NTNG1: variants seen among roughly 807,000 people sequenced by gnomAD.
The protein encoded by NTNG1 is netrin G1, also known as netrin-G1.
Under a neutral mutation model 54.0 loss-of-function variants are expected in NTNG1, and 16 were observed. The observed-to-expected ratio is 0.30, with a 90% CI of 0.20 to 0.45. The LOEUF (loss-of-function observed/expected upper bound fraction) is 0.45. NTNG1 is among the 20% of genes least tolerant of loss of function. The pLI is 1.00. For missense variants in NTNG1, 530 were observed against 678.7 expected (o/e 0.78, Z 2.43); for synonymous variants, 255 against 263.1 (o/e 0.97, Z 0.30).
intron 7 of NTNG1, among the ~76,000 whole-genome samples, chr1:107,456,753 A>G (rs1178565125): frequency 6.6e-6 from 1 of 152,236 alleles, no homozygotes; most frequent in Non-Finnish European, 1.5e-5. Context: ...TGGCTATGCA[A>G]TGCAATATTG....
chr1:107,184,206 G>A (rs796933533), intron 2 of NTNG1, among the ~76,000 whole-genome samples: 15 of 152,154 alleles, frequency 9.9e-5, no homozygotes, highest in African/African-American at 3.6e-4. Context: ...TCCTAGCATG[G>A]CTCCTCTTAA....
At chr1:107,444,873 C>T (rs1676212359) in intron 7 of NTNG1, among the ~76,000 whole-genome samples, 1 of 152,074 alleles carries the variant, frequency 6.6e-6, no homozygotes, top group African/African-American at 2.4e-5. Flanking sequence ...ATGTGAAGCT[C>T]TTTTCTTACG....
Position 107,411,907 on chromosome 1 carries a change from G to A in NTNG1, c.1087+4199G>A, listed in dbSNP as rs1214408511. Among the ~76,000 whole-genome samples the A allele has an allele frequency of 2.0e-5, 3 of 152,108 alleles. No individual in the cohort carries two copies. The East Asian group carries it at 5.8e-4, about 29-fold the overall frequency. On this transcript the variant is annotated intron_variant, in intron 5 of 7. Transcript: ENST00000370068. ...TTATCCTAAAATTGAATGAACATTA[G>A]GATATAGCTGCCTCTTTAATCCTGA... is the stretch of plus-strand genomic sequence containing the variant.
chr1:107,326,220 C>T (rs916692071), intron 3 of NTNG1, among the ~76,000 whole-genome samples: 1 of 151,980 alleles, frequency 6.6e-6, no homozygotes, highest in Non-Finnish European at 1.5e-5. Context: ...GCTTCATGTT[C>T]CTCATGGAAG....
chr1:107,422,519 G>C (rs1674639728), intron 5 of NTNG1, among the ~76,000 whole-genome samples: 1 of 152,020 alleles, frequency 6.6e-6, no homozygotes, highest in African/African-American at 2.4e-5. Flanking sequence ...TACCCAATGA[G>C]GTAGACTTAC....
In NTNG1 at chr1:107,204,169, C is replaced by T. The variant is rs111640557; in HGVS notation, c.246+55330C>T. Among the ~76,000 whole-genome samples the T allele has an allele frequency of 9.2e-4, 140 of 151,894 alleles. 1 individual carries two copies. Among genetic ancestry groups the T allele is most frequent in the African/African-American group, 3.1e-3 (130 of 41,454 alleles). On this transcript the variant is annotated intron_variant, in intron 2 of 7. Transcript: ENST00000370068. ...TCCCCCTCTGGAATACATTTATTTC[C>T]CACTTGTTGATTTCTTTGATTACAA... is the stretch of plus-strand genomic sequence containing the variant.
At chr1:107,261,990 G>A (rs549095945) in intron 2 of NTNG1, among the ~76,000 whole-genome samples, 2 of 152,244 alleles carry the variant, frequency 1.3e-5, no homozygotes, top group Non-Finnish European at 2.9e-5. Context: ...TTACATTCTA[G>A]GAGTTTACTC....
intron 2 of NTNG1, among the ~76,000 whole-genome samples, chr1:107,186,457 A>G (rs1657466767): frequency 6.6e-6 from 1 of 152,144 alleles, no homozygotes; most frequent in Non-Finnish European, 1.5e-5. Flanking sequence ...TAAAATCCAG[A>G]TGTGTCTCAG....
At position 107,179,750 on chromosome 1, in the gene NTNG1, C is replaced by T. The variant is rs111430333; in HGVS notation, c.246+30911C>T. On this transcript the variant is annotated intron_variant, in intron 2 of 7. Coordinates refer to ENST00000370068, the MANE Select transcript of NTNG1 (RefSeq NM_001113226.3). ...TGATCCTCTCCCTCCTCCTCACCCT[C>T]CACCCTCCGAAATATTAATGGAATT... is the stretch of plus-strand genomic sequence containing the variant. Among the ~76,000 whole-genome samples, 4 of 152,240 alleles carry T rather than the reference C, an allele frequency of 2.6e-5. 1 individual carries two copies. The highest frequency in any genetic ancestry group is 7.2e-5 in the African/African-American group (3 of 41,548).
intron 4 of NTNG1, among the ~76,000 whole-genome samples, chr1:107,405,223 A>T (rs1211619109): frequency 6.6e-6 from 1 of 152,154 alleles, no homozygotes; most frequent in Non-Finnish European, 1.5e-5. Context: ...AAAAATAATG[A>T]TATTTTAAAA....
intron 7 of NTNG1, among the ~76,000 whole-genome samples, chr1:107,450,627 T>C (rs578095099): frequency 1.3e-5 from 2 of 152,284 alleles, no homozygotes; most frequent in African/African-American, 4.8e-5. Context: ...ATACCTATTA[T>C]GTCTTTTTCT....
At chr1:107,300,467 ATTC>A (rs1406540409) in intron 2 of NTNG1, among the ~76,000 whole-genome samples, 4 of 152,142 alleles carry the variant, frequency 2.6e-5, no homozygotes, top group African/African-American at 9.7e-5. Flanking sequence ...ACACTCAATT[ATTC>A]TTTTACACAG....
chr1:107,390,879 C>T (rs1233904575), intron 3 of NTNG1, among the ~76,000 whole-genome samples: 1 of 152,150 alleles, frequency 6.6e-6, no homozygotes, highest in Non-Finnish European at 1.5e-5. Context: ...AAAATACAGT[C>T]TACAGTCTAT....
At chr1:107,221,559 T>C (rs1283208184) in intron 2 of NTNG1, among the ~76,000 whole-genome samples, 1 of 152,044 alleles carries the variant, frequency 6.6e-6, no homozygotes, top group Admixed American at 6.6e-5. Flanking sequence ...GCTTTCTAGG[T>C]AGAGGGAACA....
At chr1:107,255,328 A>G (rs1445988035) in intron 2 of NTNG1, among the ~76,000 whole-genome samples, 2 of 152,180 alleles carry the variant, frequency 1.3e-5, no homozygotes, top group Non-Finnish European at 2.9e-5. Context: ...CTCCATAAAG[A>G]CACAGTCATT....
intron 4 of NTNG1, among the ~76,000 whole-genome samples, chr1:107,396,803 G>A (rs1672713297): frequency 6.6e-6 from 1 of 152,160 alleles, no homozygotes. Flanking sequence ...AGAGTGTGAT[G>A]TTCACAAACA....
chr1:107,242,873 T>G (rs1661939991), intron 2 of NTNG1, among the ~76,000 whole-genome samples: 1 of 152,196 alleles, frequency 6.6e-6, no homozygotes, highest in Admixed American at 6.5e-5. Flanking sequence ...ACTGAAGAGT[T>G]GAATGCAACC....
rs77283343 is a variant in NTNG1 at position 107,403,714 on chromosome 1, A to C, written c.1061-3968A>C. 1,800 of 154,338 alleles carry C rather than the reference A, an allele frequency of 0.012. 88 individuals carry two copies. The East Asian group carries it at 0.17, about 15-fold the overall frequency. 9.6% of individuals were successfully genotyped at this position (154,338 alleles called of 1,614,324 possible). A position where few individuals can be genotyped will look rare whatever the true frequency, so the allele number is the denominator to read the frequency against. ...GACAAGACTCTGTCAAAAAAAAAAAAAAAACCTCATGCACACCTGTGCTTC... is the reference window on the plus strand; with the variant it reads ...GACAAGACTCTGTCAAAAAAAAAAACAAAACCTCATGCACACCTGTGCTTC... On this transcript the variant is annotated intron_variant, in intron 4 of 7. Transcript: ENST00000370068.
At chr1:107,395,062 C>T in intron 3 of NTNG1, 92 bp from the exon 4 acceptor site, 4 of 957,938 alleles carry the variant, frequency 4.2e-6, no homozygotes, top group East Asian at 2.4e-5. Flanking sequence ...CACTAAAGCA[C>T]TGCATGGTTT....
Sources: allele counts gnomAD v4.1 joint callset (sites outside exome capture counted in the v4.1 genomes callset), GRCh38; gene constraint gnomAD v4.1.1; transcripts MANE v1.5; gene names NCBI Gene and HGNC (gene_info 2026-07-23, HGNC 2026-07-21).